TBL1X: variants seen among roughly 807,000 people sequenced by gnomAD.
The protein encoded by TBL1X is transducin beta like 1 X-linked.
TBL1X carries 10 observed loss-of-function variants against 50.7 expected under a neutral mutation model. The ratio of observed to expected loss-of-function variants is 0.20; its 90% confidence interval spans 0.12 to 0.33. The LOEUF (loss-of-function observed/expected upper bound fraction) is 0.33, where lower values mean the gene tolerates loss of function less well. Among genes scored for constraint, TBL1X ranks in the 10% least tolerant of loss-of-function variants. TBL1X has a pLI of 1.00. For missense variants in TBL1X, 340 were observed against 504.4 expected (o/e 0.67, Z 3.12); for synonymous variants, 190 against 214.7 (o/e 0.88, Z 1.01).
In TBL1X at chrX:9,691,559, CTT is replaced by C. The variant is rs1193631348; in HGVS notation, c.617-18_617-17del. On this transcript the variant is annotated intron_variant, in intron 7 of 17. Coordinates refer to ENST00000645353, the MANE Select transcript of TBL1X (RefSeq NM_005647.4). ...TCTTGTATTGGTAAGCCACTTGTCT[CTT>C]TGTGTTTGCTGTGACAGATAATCAC... is the stretch of plus-strand genomic sequence containing the variant. The C allele has an allele frequency of 2.5e-6, 3 of 1,205,310 alleles. No homozygotes were observed. The highest frequency in any genetic ancestry group is 1.8e-5 in the African/African-American group (1 of 56,978).
At chrX:9,620,365 C>T (rs936950195) in intron 2 of TBL1X, among the ~76,000 whole-genome samples, 3 of 112,543 alleles carry the variant, frequency 2.7e-5, no homozygotes, top group Non-Finnish European at 5.6e-5. Context: ...GAGTCAGGCA[C>T]CCTCCAAGCT....
At chrX:9,711,546 C>T (rs1371733473) in intron 15 of TBL1X, 65 bp from the exon 16 acceptor site, 3 of 1,017,649 alleles carry the variant, frequency 2.9e-6, no homozygotes, top group Non-Finnish European at 3.9e-6. Flanking sequence ...ATCTGATACA[C>T]ATTATGGAGA....
chrX:9,528,238 GCT>G (rs756682055), intron 2 of TBL1X, among the ~76,000 whole-genome samples: 1 of 111,833 alleles, frequency 8.9e-6, no homozygotes, highest in African/African-American at 3.3e-5. Flanking sequence ...GTGGAGTCAT[GCT>G]CTGTTTGTCC....
At chrX:9,685,722 T>C (rs757006) in intron 6 of TBL1X, among the ~76,000 whole-genome samples, 7 of 92,331 alleles carry the variant, frequency 7.6e-5, no homozygotes, top group African/African-American at 1.2e-4. Flanking sequence ...CTTTTCTTTT[T>C]TTTTTTTTTT....
At chrX:9,562,192 G>A (rs1418727615) in intron 2 of TBL1X, among the ~76,000 whole-genome samples, 1 of 111,934 alleles carries the variant, frequency 8.9e-6, no homozygotes, top group Admixed American at 9.5e-5. Flanking sequence ...TATCTACGGG[G>A]ACAGATTTGA....
At chrX:9,606,348 C>T (rs1449427142) in intron 2 of TBL1X, among the ~76,000 whole-genome samples, 1 of 111,882 alleles carries the variant, frequency 8.9e-6, no homozygotes, top group Non-Finnish European at 1.9e-5. Flanking sequence ...AGTCCATAAT[C>T]GTCTATCAGA....
At chrX:9,464,709 C>G (rs1369817936), upstream of TBL1X, among the ~76,000 whole-genome samples, 5 of 111,484 alleles carry the variant, frequency 4.5e-5, no homozygotes, top group Middle Eastern at 4.6e-3. Context: ...CTGGGGTCCT[C>G]TCAGTCCCAC....
chrX:9,539,175 G>A (rs2082203389), intron 2 of TBL1X, among the ~76,000 whole-genome samples: 1 of 112,150 alleles, frequency 8.9e-6, no homozygotes, highest in African/African-American at 3.2e-5. Context: ...TTGATTAAAT[G>A]CACAAAGAGC....
intron 2 of TBL1X, among the ~76,000 whole-genome samples, chrX:9,520,385 G>T (rs1423596767): frequency 9.0e-6 from 1 of 111,369 alleles, no homozygotes; most frequent in Non-Finnish European, 1.9e-5. Context: ...GAACTCTGGA[G>T]ATAGGAATTG....
At chrX:9,691,135 G>T (rs192977219) in intron 7 of TBL1X, among the ~76,000 whole-genome samples, 1 of 111,879 alleles carries the variant, frequency 8.9e-6, no homozygotes, top group African/African-American at 3.2e-5. Context: ...CCACGATTTC[G>T]TTAGAATCAT....
At chrX:9,618,398 G>A (rs112248037) in intron 2 of TBL1X, among the ~76,000 whole-genome samples, 2,976 of 112,106 alleles carry the variant, frequency 0.027, 86 homozygotes, top group African/African-American at 0.09. Context: ...TTTTCTGGCC[G>A]GGCGCGGTGG....
chrX:9,669,014 T>G (rs1223934181), intron 5 of TBL1X, among the ~76,000 whole-genome samples: 2 of 112,144 alleles, frequency 1.8e-5, no homozygotes, highest in African/African-American at 6.5e-5. Context: ...TACTATGATT[T>G]GTCTTTAATA....
At chrX:9,629,492 T>C (rs2082709463) in intron 2 of TBL1X, among the ~76,000 whole-genome samples, 1 of 112,328 alleles carries the variant, frequency 8.9e-6, no homozygotes, top group East Asian at 2.8e-4. Context: ...GGGAGGATAG[T>C]AAACAGCATA....
intron 1 of TBL1X, among the ~76,000 whole-genome samples, chrX:9,500,488 C>T (rs182790320): frequency 7.3e-5 from 8 of 110,109 alleles, no homozygotes; most frequent in African/African-American, 1.3e-4. Context: ...CCCAGCTACT[C>T]GGGAGGCTGA....
chrX:9,652,725 C>T (rs945888802), intron 3 of TBL1X, among the ~76,000 whole-genome samples: 2 of 110,740 alleles, frequency 1.8e-5, no homozygotes, highest in African/African-American at 6.6e-5. Context: ...CTGATGCCCA[C>T]CTTTGGTCAC....
At chrX:9,693,769 G>C (rs1264357202) in intron 11 of TBL1X, among the ~76,000 whole-genome samples, 1 of 111,599 alleles carries the variant, frequency 9.0e-6, no homozygotes, top group African/African-American at 3.3e-5. Context: ...CCACTGAGGG[G>C]TGAGTGGCAC....
intron 2 of TBL1X, among the ~76,000 whole-genome samples, chrX:9,544,998 C>A (rs1286772374): frequency 5.1e-5 from 5 of 98,977 alleles, no homozygotes; most frequent in African/African-American, 1.2e-4. Context: ...ATTTTCCCCC[C>A]ACTTTTTTTT....
At chrX:9,554,522 A>G (rs1459766069) in intron 2 of TBL1X, among the ~76,000 whole-genome samples, 1 of 112,389 alleles carries the variant, frequency 8.9e-6, no homozygotes, top group East Asian at 2.8e-4. Context: ...GCTCACTTAC[A>G]TTATGCTATT....
chrX:9,612,983 T>G (rs938387421), intron 2 of TBL1X, among the ~76,000 whole-genome samples: 9 of 110,281 alleles, frequency 8.2e-5, no homozygotes, highest in Admixed American at 6.8e-4. Flanking sequence ...TAGAACTACC[T>G]TTTTACATTT....
Sources: allele counts gnomAD v4.1 joint callset (sites outside exome capture counted in the v4.1 genomes callset), GRCh38; gene constraint gnomAD v4.1.1; transcripts MANE v1.5; gene names NCBI Gene and HGNC (gene_info 2026-07-23, HGNC 2026-07-21).